The following IL1RAPL2 variants were observed in gnomAD, a reference collection of about 807,000 sequenced individuals.
IL1RAPL2 encodes interleukin 1 receptor accessory protein like 2, also known as X-linked interleukin-1 receptor accessory protein-like 2.
Under a neutral mutation model 44.1 loss-of-function variants are expected in IL1RAPL2, and 3 were observed. That is an observed-to-expected ratio of 0.07 (90% confidence interval 0.03 to 0.18). The LOEUF (loss-of-function observed/expected upper bound fraction) is 0.18. IL1RAPL2 is among the 10% of genes least tolerant of loss of function. IL1RAPL2 has a pLI of 1.00. For synonymous variants in IL1RAPL2, 181 were observed against 178.8 expected, an observed-to-expected ratio of 1.01 and a Z score of -0.10; for missense variants, 391 against 496.4, an observed-to-expected ratio of 0.79 and a Z score of 2.02.
chrX:104,580,836 G>A (rs1161132443), intron 1 of IL1RAPL2, among the ~76,000 whole-genome samples: 1 of 111,766 alleles, frequency 8.9e-6, no homozygotes, highest in African/African-American at 3.3e-5. Flanking sequence ...GCCTCATGTA[G>A]GAAAACCTGC....
intron 2 of IL1RAPL2, among the ~76,000 whole-genome samples, chrX:104,761,963 C>A (rs950409138): frequency 2.1e-5 from 2 of 97,097 alleles, no homozygotes; most frequent in African/African-American, 8.0e-5. Flanking sequence ...TCTTCTTCTT[C>A]TTCTTCTTCT....
intron 6 of IL1RAPL2, among the ~76,000 whole-genome samples, chrX:105,541,741 C>G (rs1453643461): frequency 2.7e-5 from 3 of 110,866 alleles, no homozygotes; most frequent in Non-Finnish European, 5.7e-5. Context: ...TTAGTCTTTT[C>G]TTTCCCTTCC....
intron 7 of IL1RAPL2, among the ~76,000 whole-genome samples, chrX:105,727,699 A>AATTT (rs2038363448): frequency 9.0e-6 from 1 of 111,714 alleles, no homozygotes; most frequent in African/African-American, 3.2e-5. Flanking sequence ...GCCTTAGTTA[A>AATTT]ATTTATTAGA....
intron 2 of IL1RAPL2, among the ~76,000 whole-genome samples, chrX:105,172,224 A>T (rs1292595195): frequency 4.4e-5 from 5 of 112,635 alleles, no homozygotes; most frequent in Non-Finnish European, 9.4e-5. Context: ...GGGCCTGATA[A>T]CCTGTGGAGG....
chrX:104,889,984 G>A (rs1253077404), intron 2 of IL1RAPL2, among the ~76,000 whole-genome samples: 1 of 110,350 alleles, frequency 9.1e-6, no homozygotes, highest in Admixed American at 9.6e-5. Context: ...GGTGTGTGAT[G>A]TTCCCCTTCC....
At chrX:104,715,069 T>C (rs1306572363) in intron 2 of IL1RAPL2, among the ~76,000 whole-genome samples, 1 of 110,709 alleles carries the variant, frequency 9.0e-6, no homozygotes, top group Non-Finnish European at 1.9e-5. Context: ...CAGCTCTTCT[T>C]TGCACATCTG....
At chrX:105,408,235 A>AT (rs1229937610) in intron 5 of IL1RAPL2, among the ~76,000 whole-genome samples, 1 of 111,856 alleles carries the variant, frequency 8.9e-6, no homozygotes, top group African/African-American at 3.3e-5. Context: ...TCTTTTACTT[A>AT]TATTTTTTGT....
intron 2 of IL1RAPL2, among the ~76,000 whole-genome samples, chrX:104,814,395 G>C (rs1369331443): frequency 8.9e-6 from 1 of 111,995 alleles, no homozygotes; most frequent in Non-Finnish European, 1.9e-5. Context: ...TGAATATTTA[G>C]TATTTATTGA....
chrX:104,724,581 C>T (rs904306587), intron 2 of IL1RAPL2, among the ~76,000 whole-genome samples: 6 of 111,117 alleles, frequency 5.4e-5, no homozygotes, highest in African/African-American at 9.8e-5. Flanking sequence ...AAGCATATTA[C>T]GTAAACAAAA....
intron 1 of IL1RAPL2, among the ~76,000 whole-genome samples, chrX:104,599,686 A>G (rs1016005057): frequency 1.8e-4 from 20 of 108,828 alleles, no homozygotes; most frequent in African/African-American, 6.4e-4. Flanking sequence ...ACACACACAC[A>G]CACACACACG....
chrX:105,247,603 A>ATGTGTGTGTGTGTGTGTG (rs10588244), intron 4 of IL1RAPL2, among the ~76,000 whole-genome samples: 1 of 95,036 alleles, frequency 1.1e-5, no homozygotes. Flanking sequence ...ATATATATAT[A>ATGTGTGTGTGTGTGTGTG]TGTGTGTGTG....
intron 2 of IL1RAPL2, among the ~76,000 whole-genome samples, chrX:104,803,012 A>T (rs899220546): frequency 9.0e-6 from 1 of 111,696 alleles, no homozygotes; most frequent in Non-Finnish European, 1.9e-5. Flanking sequence ...ATTCTTCTCA[A>T]TGTGTCTATA....
At chrX:105,218,598 G>A (rs1411254139) in intron 3 of IL1RAPL2, among the ~76,000 whole-genome samples, 4 of 110,653 alleles carry the variant, frequency 3.6e-5, no homozygotes, top group African/African-American at 6.6e-5. Context: ...GAGAGCGAGC[G>A]AGACATACAC....
intron 8 of IL1RAPL2, 131 bp downstream of exon 8, chrX:105,740,822 A>T: frequency 1.8e-6 from 1 of 567,372 alleles, no homozygotes. Flanking sequence ...TCAAGGAAAG[A>T]TATTTCTCTT....
At chrX:105,334,665 A>C (rs1239075555) in intron 5 of IL1RAPL2, among the ~76,000 whole-genome samples, 1 of 111,526 alleles carries the variant, frequency 9.0e-6, no homozygotes, top group African/African-American at 3.3e-5. Flanking sequence ...CATTAAAAAT[A>C]AAAATTTAAA....
At chrX:104,640,181 C>T (rs1929905375) in intron 1 of IL1RAPL2, among the ~76,000 whole-genome samples, 1 of 111,613 alleles carries the variant, frequency 9.0e-6, no homozygotes, top group Admixed American at 9.5e-5. Flanking sequence ...TTTTAAATTA[C>T]TTTTTCTTTA....
chrX:105,041,106 A>T (rs1282741036), intron 2 of IL1RAPL2, among the ~76,000 whole-genome samples: 1 of 106,337 alleles, frequency 9.4e-6, no homozygotes, highest in African/African-American at 3.5e-5. Flanking sequence ...TTCAAAGAAC[A>T]TCTTTATTTC....
chrX:105,319,959 A>C (rs2034884999), intron 5 of IL1RAPL2, among the ~76,000 whole-genome samples: 1 of 111,267 alleles, frequency 9.0e-6, no homozygotes, highest in Non-Finnish European at 1.9e-5. Context: ...TTTCTCAAAA[A>C]TGGAAGGGGG....
At chrX:105,660,513 C>A (rs1381137728) in intron 6 of IL1RAPL2, among the ~76,000 whole-genome samples, 1 of 111,169 alleles carries the variant, frequency 9.0e-6, no homozygotes, top group Non-Finnish European at 1.9e-5. Context: ...GTTAACTACT[C>A]ATATCTTGAG....
Sources: allele counts gnomAD v4.1 joint callset (sites outside exome capture counted in the v4.1 genomes callset), GRCh38; gene constraint gnomAD v4.1.1; transcripts MANE v1.5; gene names NCBI Gene and HGNC (gene_info 2026-07-23, HGNC 2026-07-21).